AOPEP: variants seen among roughly 807,000 people sequenced by gnomAD.
AOPEP encodes aminopeptidase O (putative).
AOPEP carries 77 observed loss-of-function variants against 98.1 expected under a neutral mutation model. The ratio of observed to expected loss-of-function variants is 0.78; its 90% confidence interval spans 0.65 to 0.95. AOPEP has a LOEUF of 0.95. Ranked by LOEUF, AOPEP falls within the 40% of genes least tolerant of loss-of-function variation. The probability of loss-of-function intolerance (pLI) is 0.00; values close to 1 mark genes in which losing one functional copy is unlikely to be tolerated. For missense variants in AOPEP, 1,024 were observed against 1,024.7 expected, an observed-to-expected ratio of 1.00 and a Z score of 0.01; for synonymous variants, 346 against 365.3, an observed-to-expected ratio of 0.95 and a Z score of 0.60.
intron 5 of AOPEP, among the ~76,000 whole-genome samples, chr9:94,816,588 T>G (rs1363832897): frequency 2.0e-5 from 3 of 152,130 alleles, no homozygotes; most frequent in Admixed American, 1.3e-4. Flanking sequence ...CTGGCAGGGC[T>G]CTGTTCCTTC....
At position 95,073,066 on chromosome 9, in the gene AOPEP, G is replaced by C. The variant is rs76100576; in HGVS notation, c.2233-7628G>C. ...CAGGATTCCCAGGTGCCTGTCCCTG[G>C]GTCTCCCTCCCAGGAGATGGCCTGA... On this transcript the variant is annotated intron_variant, in intron 14 of 16. Transcript: ENST00000375315. Among the ~76,000 whole-genome samples the C allele has an allele frequency of 3.8e-3, 578 of 152,308 alleles. 16 individuals carry two copies. The East Asian group carries it at 0.052, about 14-fold the overall frequency.
the AOPEP span, chr9:95,101,636 G>C: frequency 6.3e-7 from 1 of 1,596,550 alleles, no homozygotes; most frequent in Admixed American, 1.7e-5. Flanking sequence ...GTGGCCACAG[G>C]TCATCACCTG....
chr9:94,749,970 C>A (rs1467944745), intron 1 of AOPEP, among the ~76,000 whole-genome samples: 1 of 152,128 alleles, frequency 6.6e-6, no homozygotes, highest in East Asian at 1.9e-4. Context: ...ACTCTGGATT[C>A]TGTTATGTTC....
chr9:94,764,311 C>T (rs1357071258), intron 2 of AOPEP, among the ~76,000 whole-genome samples: 2 of 152,274 alleles, frequency 1.3e-5, no homozygotes, highest in South Asian at 2.1e-4. Context: ...AAGAAACTGC[C>T]ACAGTCAAGA....
At chr9:95,127,713 CG>C in the AOPEP span, among the ~76,000 whole-genome samples, 1 of 152,154 alleles carries the variant, frequency 6.6e-6, no homozygotes, top group Admixed American at 6.5e-5. Context: ...AGGCCCCCGT[CG>C]GCAAGAAAAA....
chr9:95,073,458 A>C (rs1020867685), intron 14 of AOPEP, among the ~76,000 whole-genome samples: 42 of 152,130 alleles, frequency 2.8e-4, no homozygotes, highest in African/African-American at 9.2e-4. Flanking sequence ...TTTTAAAAAA[A>C]GAAAGAAGAG....
At chr9:94,875,563 AC>A (rs1259542587) in intron 5 of AOPEP, among the ~76,000 whole-genome samples, 4 of 152,180 alleles carry the variant, frequency 2.6e-5, no homozygotes, top group African/African-American at 9.7e-5. Flanking sequence ...ATAGTTGGCC[AC>A]CTGTGAGTGG....
intron 10 of AOPEP, among the ~76,000 whole-genome samples, chr9:94,976,760 A>G (rs2059872864): frequency 6.6e-6 from 1 of 150,434 alleles, no homozygotes; most frequent in African/African-American, 2.5e-5. Flanking sequence ...TCTGCCTCCC[A>G]GGCTCAAGCC....
intron 13 of AOPEP, among the ~76,000 whole-genome samples, chr9:95,036,584 A>G (rs2064840133): frequency 6.6e-6 from 1 of 152,028 alleles, no homozygotes; most frequent in Non-Finnish European, 1.5e-5. Flanking sequence ...CAAGAGCAGC[A>G]CTTCATTCCT....
intron 7 of AOPEP, among the ~76,000 whole-genome samples, chr9:94,945,650 A>G (rs1231401182): frequency 6.6e-6 from 1 of 152,006 alleles, no homozygotes; most frequent in Non-Finnish European, 1.5e-5. Context: ...GTCCTTCTCC[A>G]GCTCCCACGG....
At chr9:94,963,131 T>G (rs891184159) in intron 9 of AOPEP, among the ~76,000 whole-genome samples, 1 of 152,162 alleles carries the variant, frequency 6.6e-6, no homozygotes, top group African/African-American at 2.4e-5. Context: ...CTTCTCAGTT[T>G]TTATCTTGCC....
At chr9:94,991,216 C>T (rs1053374275) in intron 11 of AOPEP, among the ~76,000 whole-genome samples, 8 of 152,218 alleles carry the variant, frequency 5.3e-5, no homozygotes, top group African/African-American at 1.9e-4. Flanking sequence ...CACCTGGCTA[C>T]TTTTACAGTC....
At chr9:94,940,645 C>T (rs1274224669) in intron 7 of AOPEP, among the ~76,000 whole-genome samples, 1 of 152,082 alleles carries the variant, frequency 6.6e-6, no homozygotes, top group Non-Finnish European at 1.5e-5. Flanking sequence ...TGAATATTGG[C>T]AATTTCCTAC....
intron 7 of AOPEP, among the ~76,000 whole-genome samples, chr9:94,942,561 G>A (rs34381422): frequency 0.018 from 2,810 of 152,224 alleles, 36 homozygotes; most frequent in Non-Finnish European, 0.029. Flanking sequence ...TTGTACTGGA[G>A]GTTATAGCCA....
chr9:94,841,561 A>C (rs1212959607), intron 5 of AOPEP, among the ~76,000 whole-genome samples: 1 of 151,948 alleles, frequency 6.6e-6, no homozygotes, highest in South Asian at 2.1e-4. Context: ...TGATCCATGG[A>C]CTGTTTAGAT....
chr9:94,978,054 A>C (rs1179011787), intron 10 of AOPEP, among the ~76,000 whole-genome samples: 2 of 152,148 alleles, frequency 1.3e-5, no homozygotes, highest in African/African-American at 4.8e-5. Context: ...CTTTTCCTCC[A>C]GCCCTCCCAA....
chr9:95,037,844 T>A (rs2064962168), intron 13 of AOPEP, among the ~76,000 whole-genome samples: 1 of 152,212 alleles, frequency 6.6e-6, no homozygotes, highest in Non-Finnish European at 1.5e-5. Context: ...TCCTAAGGGC[T>A]TATTTGGCTT....
chr9:95,103,902 G>T, the AOPEP span, among the ~76,000 whole-genome samples: 3 of 152,234 alleles, frequency 2.0e-5, no homozygotes, highest in African/African-American at 7.2e-5. Flanking sequence ...GCTCTGAAGA[G>T]AGATAGTGGC....
chr9:95,037,467 A>C (rs2064930293), intron 13 of AOPEP, among the ~76,000 whole-genome samples: 2 of 152,366 alleles, frequency 1.3e-5, no homozygotes, highest in East Asian at 3.9e-4. Context: ...CTGAGCTTAT[A>C]GTATACAAGC....
Sources: gnomAD v4.1 joint callset for allele counts (sites outside exome capture counted in the v4.1 genomes callset) on GRCh38, gnomAD v4.1.1 for gene constraint, MANE v1.5 for transcripts, NCBI Gene and HGNC (gene_info 2026-07-23, HGNC 2026-07-21) for gene names.